SMARCC2: variants seen among roughly 807,000 people sequenced by gnomAD.
SMARCC2 encodes SWI/SNF related BAF chromatin remodeling complex subunit C2.
A neutral mutation model predicts 151.3 loss-of-function variants in SMARCC2; 15 were observed. The observed-to-expected ratio is 0.10, with a 90% CI of 0.07 to 0.15. The LOEUF is 0.15. SMARCC2 is among the 10% of genes least tolerant of loss of function. The pLI is 1.00. For missense variants in SMARCC2, 1,031 were observed against 1,599.7 expected (o/e 0.64, Z 6.06); for synonymous variants, 590 against 609.5 (o/e 0.97, Z 0.47).
chr12:56,178,275 T>G (rs1388648738), intron 14 of SMARCC2, 129 bp downstream of exon 14: 2 of 1,131,502 alleles, frequency 1.8e-6, no homozygotes, highest in African/African-American at 1.5e-5. Context: ...CCCCTAAAAC[T>G]AAAGTGTACT....
intron 1 of SMARCC2, 91 bp downstream of exon 1, chr12:56,189,260 G>C: frequency 1.5e-6 from 1 of 656,386 alleles, no homozygotes; most frequent in Non-Finnish European, 2.3e-6. Context: ...GGGCTGGGGC[G>C]CCTGGAGGGT....
intron 25 of SMARCC2, among the ~76,000 whole-genome samples, chr12:56,169,302 G>A (rs1348958431): frequency 6.6e-6 from 1 of 152,188 alleles, no homozygotes; most frequent in African/African-American, 2.4e-5. Context: ...GTGTGGCAAA[G>A]GGTAACATGG....
At position 56,164,568 on chromosome 12, in the gene SMARCC2, A is replaced by C; in HGVS notation, c.3396T>G (p.Ser1132Arg). 6.2e-7 allele frequency: 1 copy of C among 1,614,108 alleles called. No individual in the cohort carries two copies. The highest frequency in any genetic ancestry group is 8.5e-7 in the Non-Finnish European group (1 of 1,179,998). ...PPAPSIIPFGSLADSISINLP... is the reference protein window; with the variant it reads ...PPAPSIIPFGRLADSISINLP... Reference sequence around the variant, plus strand: ...GGTTAATACTGATGGAGTCAGCTAGACTACCAAATGGGATGATGGATGGAG... The same window carrying C: ...GGTTAATACTGATGGAGTCAGCTAGCCTACCAAATGGGATGATGGATGGAG... The change falls in exon 28 of 29, where the codon AGT becomes AGG. Residue 1132 changes from serine to arginine, a missense_variant. By Grantham distance (110) the Ser-to-Arg change is moderately radical (BLOSUM62 -1). Around this residue, in one of 12 missense-constraint regions of SMARCC2, gnomAD observed 310 missense variants for 350.0 expected, o/e 0.89. Transcript: ENST00000550164.
intron 15 of SMARCC2, among the ~76,000 whole-genome samples, chr12:56,175,224 T>G (rs1468278246): frequency 6.6e-6 from 1 of 152,186 alleles, no homozygotes; most frequent in Admixed American, 6.5e-5. Context: ...TTGGTCAGGC[T>G]GGTCTCAAAC....
Position 56,183,873 on chromosome 12 carries a change from T to C in SMARCC2, c.620A>G (p.Tyr207Cys). ...RDKQVLLHWG[Y>C]YPDSYDTWIP... ...AACCCATCCTCACCTGTCAGGATAG[T>C]AGCCCCAGTGCAGAAGAACCTGCTT... The change falls in exon 7 of 29, where the codon TAC becomes TGC. Residue 207 changes from tyrosine (Y) to cysteine (C), a missense_variant. This residue lies in a region of SMARCC2 where 123 missense variants were observed against 190.4 expected (regional missense o/e 0.65). Coordinates refer to ENST00000550164, the MANE Select transcript of SMARCC2 (RefSeq NM_001330288.2). 6.2e-7 allele frequency: 1 copy of C among 1,613,254 alleles called. No individual in the cohort carries two copies. The highest frequency in any genetic ancestry group is 1.1e-5 in the South Asian group (1 of 91,018).
In SMARCC2 at chr12:56,165,260, A is replaced by G. The variant is rs1872559469; in HGVS notation, c.3232+58T>C. 2.1e-6 allele frequency: 3 copies of G among 1,451,338 alleles called. No homozygotes were observed. In the East Asian group the frequency reaches 7.4e-5, roughly 36 times the overall value. The allele number at this position is 1,451,338 out of a possible 1,614,324, so 89.9% of individuals were successfully genotyped here. ...TCATCTTGTATCCCCTTTGAGGAGA[A>G]CTGGGACATTCACCTGGATTCCTCT... On this transcript the variant is annotated intron_variant, in intron 27 of 28. Transcript: ENST00000550164.
intron 15 of SMARCC2, 88 bp downstream of exon 15, chr12:56,177,934 T>C: frequency 1.1e-6 from 1 of 927,896 alleles, no homozygotes; most frequent in South Asian, 1.5e-5. Context: ...GCTCAAGAAA[T>C]GTTTGCTAAA....
chr12:56,186,238 G>A lies in SMARCC2; in HGVS notation c.234C>T (p.Ile78=). The change falls in exon 3 of 29, where the codon ATC becomes ATT. Residue 78 remains isoleucine (I), a splice_region_variant and synonymous_variant. Coordinates refer to ENST00000550164, the MANE Select transcript of SMARCC2 (RefSeq NM_001330288.2). ...CCGCTTTGAAATCTAGGAAACATTT[G>A]ATCTACAAAATCAAGATACGGAAAA... ...VSNAPLTKLP[I]KCFLDFKAGG... 1.2e-6 allele frequency: 2 copies of A among 1,600,034 alleles called. No individual in the cohort carries two copies. The highest frequency in any genetic ancestry group is 1.7e-6 in the Non-Finnish European group (2 of 1,167,472).
Position 56,171,692 on chromosome 12 carries a change from T to C in SMARCC2, c.2172A>G (p.Ala724=), listed in dbSNP as rs760302996. The C allele has an allele frequency of 3.5e-5, 54 of 1,553,246 alleles. No homozygotes were observed. The highest frequency in any genetic ancestry group is 1.7e-4 in the Middle Eastern group (1 of 5,720). Residue 724 remains alanine, a synonymous_variant, in exon 21 of 29, where the codon GCA becomes GCG. Transcript: ENST00000550164. The surrounding 1 kb of genome is among the most constrained non-coding windows in gnomAD (Gnocchi z 4.2). ...VVDPRVASAA[A]KSALEEFSKM... ...CACCCCCATTACCTAGGGCTGACTT[T>C]GCAGCAGCAGAGGCGACTCGGGGAT...
chr12:56,174,551 C>T, intron 16 of SMARCC2, 100 bp downstream of exon 16: 1 of 757,764 alleles, frequency 1.3e-6, no homozygotes, highest in Non-Finnish European at 2.3e-6. Flanking sequence ...TTTTTTCTGT[C>T]TGCTCCTCTG....
chr12:56,181,483 C>T lies in SMARCC2; in HGVS notation c.955G>A (p.Gly319Ser). The stretch of plus-strand genomic sequence containing the variant: ...GGGGCAGGCTAGGGGCTGGCACACC[C>T]TTTCTTAGCATTTTTCTTCTTTGCT... ...PEAKKKNAKK[G>S]PSTPYTKSKR... is the part of the protein sequence containing the mutation. Residue 319 changes from glycine to serine, a missense_variant and splice_region_variant, in exon 10 of 29, where the codon GGT (glycine) becomes AGT (serine). Physicochemically the swap from Gly to Ser is moderately conservative, Grantham distance 56. Transcript: ENST00000550164. 1 of 1,518,952 alleles carries T rather than the reference C, an allele frequency of 6.6e-7. No individual in the cohort carries two copies. Among genetic ancestry groups the T allele is most frequent in the Non-Finnish European group, 8.8e-7 (1 of 1,131,118 alleles). The allele number at this position is 1,518,952 out of a possible 1,614,324, so 94.1% of individuals were successfully genotyped here.
chr12:56,162,476 T>G lies in SMARCC2; in HGVS notation c.*1213A>C. On this transcript the variant is annotated 3_prime_UTR_variant, in exon 29 of 29. Transcript: ENST00000550164. ...GCTAAGACGCAGAGGGAGAGAAACA[T>G]GGGGACATGAGGAACAAAGGGCCTG... 1.7e-6 allele frequency: 1 copy of G among 579,538 alleles called. No individual in the cohort carries two copies. Among genetic ancestry groups the G allele is most frequent in the Non-Finnish European group, 3.0e-6 (1 of 332,054 alleles). 35.9% of individuals were successfully genotyped at this position (579,538 alleles called of 1,614,324 possible). A position where few individuals can be genotyped will look rare whatever the true frequency, so the allele number is the denominator to read the frequency against.
In SMARCC2 at chr12:56,172,464, A is replaced by T; in HGVS notation, c.1890T>A (p.Arg630=). 5.6e-6 allele frequency: 9 copies of T among 1,594,410 alleles called. No individual in the cohort carries two copies. Among genetic ancestry groups the T allele is most frequent in the Non-Finnish European group, 7.7e-6 (9 of 1,169,404 alleles). ...GCAGGGTTTCCTGTTCTGTCCACTC[A>T]CGAGTGGCACTGGCTGCAGCCTTGC... ...SKSKAAASAT[R]EWTEQETLLL... is the part of the protein sequence containing the mutation. The change falls in exon 20 of 29, where the codon CGT becomes CGA. Residue 630 remains arginine, a synonymous_variant. Transcript: ENST00000550164.
intron 1 of SMARCC2, 38 bp downstream of exon 1, chr12:56,189,312 CG>C: frequency 7.5e-7 from 1 of 1,340,098 alleles, no homozygotes; most frequent in South Asian, 1.4e-5. Context: ...CCCTTTGTCC[CG>C]CCCCCGGTCC....
At chr12:56,175,266 C>T (rs1037360705) in intron 15 of SMARCC2, among the ~76,000 whole-genome samples, 2 of 152,232 alleles carry the variant, frequency 1.3e-5, no homozygotes, top group Non-Finnish European at 2.9e-5. Flanking sequence ...CTGCCTCAGC[C>T]TCCCAAAGTG....
chr12:56,163,639 G>C lies in SMARCC2; in HGVS notation c.*50C>G. ...AGTGGTGGGGGAAGGGCTGTTCCTG[G>C]AACCGTGATGTCCACAGGGGGTGAG... On this transcript the variant is annotated 3_prime_UTR_variant, in exon 29 of 29. Coordinates refer to ENST00000550164, the MANE Select transcript of SMARCC2 (RefSeq NM_001330288.2). The C allele has an allele frequency of 9.2e-7, 1 of 1,085,448 alleles. No homozygotes were observed. The allele number at this position is 1,085,448 out of a possible 1,614,324, so 67.2% of individuals were successfully genotyped here. A position where few individuals can be genotyped will look rare whatever the true frequency, so the allele number is the denominator to read the frequency against.
chr12:56,165,766 C>CT, intron 26 of SMARCC2, 67 bp from the exon 27 acceptor site: 1 of 1,474,634 alleles, frequency 6.8e-7, no homozygotes, highest in South Asian at 1.1e-5. Flanking sequence ...GCCTCAACCC[C>CT]TGCTTTGTCT....
At chr12:56,184,808 G>A (rs1234979502) in intron 5 of SMARCC2, 36 bp downstream of exon 5, 10 of 1,229,636 alleles carry the variant, frequency 8.1e-6, no homozygotes, top group Non-Finnish European at 1.2e-5. Flanking sequence ...AAACAGTCAT[G>A]GAGTTTCTGA....
At chr12:56,178,635 G>A in intron 13 of SMARCC2, 101 bp from the exon 14 acceptor site, 1 of 1,552,046 alleles carries the variant, frequency 6.4e-7, no homozygotes, top group Admixed American at 1.7e-5. Context: ...AAAGATGGGT[G>A]ATGGGACTGA....
Sources: gnomAD v4.1 joint callset for allele counts (sites outside exome capture counted in the v4.1 genomes callset) on GRCh38, gnomAD v4.1.1 for gene constraint, gnomAD v4.1.1 regional missense constraint, Gnocchi (gnomAD v3.1) non-coding constraint, MANE v1.5 for transcripts, NCBI Gene and HGNC (gene_info 2026-07-23, HGNC 2026-07-21) for gene names.